The following CDH4 variants were observed in gnomAD, a reference collection of about 807,000 sequenced individuals.
CDH4 encodes cadherin 4.
A neutral mutation model predicts 86.0 loss-of-function variants in CDH4; 33 were observed. The ratio of observed to expected loss-of-function variants is 0.38; its 90% CI spans 0.29 to 0.51. The LOEUF (loss-of-function observed/expected upper bound fraction) is 0.51, where lower values mean the gene tolerates loss of function less well. Among genes scored for constraint, CDH4 ranks in the 20% least tolerant of loss-of-function variants. The pLI, the probability that CDH4 is intolerant of heterozygous loss-of-function variation, is 0.86. For synonymous variants in CDH4, 555 were observed against 549.4 expected, an observed-to-expected ratio of 1.01 and a Z score of -0.14; for missense variants, 1,114 against 1,307.4, an observed-to-expected ratio of 0.85 and a Z score of 2.28.
chr20:61,703,044 T>C lies in CDH4; in HGVS notation c.170-40519T>C, dbSNP rs1415880613. On this transcript the variant is annotated intron_variant, in intron 2 of 15. Coordinates refer to ENST00000614565, the MANE Select transcript of CDH4 (RefSeq NM_001794.5). This position sits in a 1 kb window ranked among gnomAD's most constrained non-coding sequence, Gnocchi z 4.3. ...ACTCTGCGTGCCGTGGTCAGTGCCA[T>C]GTTTTCGGGTAGAGCAATGAACATA... Among the ~76,000 whole-genome samples, 1 of 152,152 alleles carries C rather than the reference T, an allele frequency of 6.6e-6. No homozygotes were observed.
In CDH4 at chr20:61,901,766, G is replaced by C. The variant is rs568977784; in HGVS notation, c.1188+6719G>C. 2.0e-5 allele frequency among the ~76,000 whole-genome samples: 3 copies of C among 152,330 alleles called. No individual in the cohort carries two copies. In the South Asian group the frequency reaches 6.2e-4, roughly 32 times the overall value. The stretch of plus-strand genomic sequence containing the variant: ...AGCTCAGTGAAAGCATCAATCCCAC[G>C]CTGGCCCATGGGGTTGGGGTGACAA... On this transcript the variant is annotated intron_variant, in intron 8 of 15. Coordinates refer to ENST00000614565, the MANE Select transcript of CDH4 (RefSeq NM_001794.5).
chr20:61,921,105 ATGGAAGCGTGGTGTCACGGTGATTGTG>A lies in CDH4; in HGVS notation c.1375-2329_1375-2303del, dbSNP rs1218032024. Among the ~76,000 whole-genome samples the A allele has an allele frequency of 4.2e-5, 6 of 142,958 alleles. No individual in the cohort carries two copies. The East Asian group carries it at 6.5e-4, about 16-fold the overall frequency. 93.8% of individuals were successfully genotyped at this position (142,958 alleles called of 152,430 possible). Reference sequence around the variant, plus strand: ...GGAAGCATTGTGTCACAGTAATTGCATGGAAGCGTGGTGTCACGGTGATTGTGTGGAAGCGTGGTGTCATGATTGCAT... The same window carrying A: ...GGAAGCATTGTGTCACAGTAATTGCATGGAAGCGTGGTGTCATGATTGCAT... On this transcript the variant is annotated intron_variant, in intron 9 of 15. Coordinates refer to ENST00000614565, the MANE Select transcript of CDH4 (RefSeq NM_001794.5).
chr20:61,394,874 T>G (rs1385428324), intron 2 of CDH4, among the ~76,000 whole-genome samples: 1 of 137,354 alleles, frequency 7.3e-6, no homozygotes, highest in Non-Finnish European at 1.6e-5. Flanking sequence ...CATGGGGCTG[T>G]GAGCCCTCAC....
At chr20:61,890,072 G>C (rs1262721024) in intron 7 of CDH4, among the ~76,000 whole-genome samples, 16 of 146,458 alleles carry the variant, frequency 1.1e-4, no homozygotes, top group Non-Finnish European at 1.9e-4. Flanking sequence ...ATGGATGCAT[G>C]GGTGGATGGA....
chr20:61,790,978 C>T (rs774465380), intron 4 of CDH4, among the ~76,000 whole-genome samples: 4 of 152,268 alleles, frequency 2.6e-5, no homozygotes, highest in Non-Finnish European at 5.9e-5. Context: ...TCAGTGCTCT[C>T]ACCCTCAGAC....
intron 2 of CDH4, among the ~76,000 whole-genome samples, chr20:61,372,596 G>A (rs542722866): frequency 6.6e-6 from 1 of 152,242 alleles, no homozygotes; most frequent in African/African-American, 2.4e-5. Context: ...CCCCAAAGCT[G>A]TGGTGGACTT....
At position 61,778,412 on chromosome 20, in the gene CDH4, G is replaced by C. The variant is rs184233407; in HGVS notation, c.576+5230G>C. On this transcript the variant is annotated intron_variant, in intron 4 of 15. Transcript: ENST00000614565. Reference sequence around the variant, plus strand: ...GGCAGAATACTCTTCCCCAAAAAAAGTCTGTTAATTACAGGCTTTTTCCTT... The same window carrying C: ...GGCAGAATACTCTTCCCCAAAAAAACTCTGTTAATTACAGGCTTTTTCCTT... 3.3e-5 allele frequency among the ~76,000 whole-genome samples: 5 copies of C among 152,290 alleles called. No homozygotes were observed. The East Asian group carries it at 9.6e-4, about 29-fold the overall frequency.
chr20:61,513,391 C>T (rs1307858718), intron 2 of CDH4, among the ~76,000 whole-genome samples: 6 of 152,204 alleles, frequency 3.9e-5, no homozygotes. Flanking sequence ...ACAATGTTAA[C>T]AAAGGGCCTG....
At chr20:61,290,687 A>G (rs2084316074) in intron 2 of CDH4, among the ~76,000 whole-genome samples, 1 of 152,202 alleles carries the variant, frequency 6.6e-6, no homozygotes, top group East Asian at 1.9e-4. Context: ...GTGTAAGATG[A>G]AGACAGCCCC....
intron 2 of CDH4, among the ~76,000 whole-genome samples, chr20:61,711,081 T>C (rs1212693791): frequency 6.6e-6 from 1 of 152,194 alleles, no homozygotes; most frequent in East Asian, 1.9e-4. Context: ...GTGGAGGTAA[T>C]TGGATCATAG....
chr20:61,408,205 C>T (rs908483760), intron 2 of CDH4, among the ~76,000 whole-genome samples: 1 of 152,198 alleles, frequency 6.6e-6, no homozygotes. Flanking sequence ...AACCCAGGAT[C>T]ATCTCTGCAT....
intron 2 of CDH4, among the ~76,000 whole-genome samples, chr20:61,272,574 A>G (rs1049419915): frequency 1.1e-4 from 17 of 152,288 alleles, no homozygotes; most frequent in Admixed American, 7.8e-4. Context: ...GGCACCATCA[A>G]TGAATGCATT....
chr20:61,507,594 G>A (rs2085750297), intron 2 of CDH4, among the ~76,000 whole-genome samples: 1 of 152,038 alleles, frequency 6.6e-6, no homozygotes, highest in African/African-American at 2.4e-5. Context: ...GAAAAAAAAG[G>A]GTACCTCCTA....
chr20:61,435,386 T>C (rs770304851), intron 2 of CDH4, among the ~76,000 whole-genome samples: 2 of 152,238 alleles, frequency 1.3e-5, no homozygotes, highest in Non-Finnish European at 2.9e-5. Context: ...GGGCATGGCT[T>C]CTGAGACTCA....
At chr20:61,876,720 G>A (rs1984041993) in intron 7 of CDH4, among the ~76,000 whole-genome samples, 1 of 152,116 alleles carries the variant, frequency 6.6e-6, no homozygotes, top group African/African-American at 2.4e-5. Context: ...CCTCCCTCTG[G>A]TTTCCAGTGG....
At chr20:61,444,316 TGTATCTGCAC>T (rs1199487294) in intron 2 of CDH4, among the ~76,000 whole-genome samples, 28 of 140,894 alleles carry the variant, frequency 2.0e-4, no homozygotes, top group Admixed American at 3.1e-4. Flanking sequence ...TGTATTTTTG[TGTATCTGCAC>T]GTGTGTTTCT....
intron 2 of CDH4, among the ~76,000 whole-genome samples, chr20:61,507,123 TTTC>T (rs1201111233): frequency 3.3e-5 from 5 of 152,338 alleles, no homozygotes; most frequent in Admixed American, 6.5e-5. Flanking sequence ...CAGAATGTAG[TTTC>T]TTGAGTCAGA....
In CDH4 at chr20:61,639,548, T is replaced by G. The variant is rs547785336; in HGVS notation, c.170-104015T>G. ...CCACATAACCTCTTTAAGGACTTGATGAAAGCCTTGCCTAAGAGGTCATCT... is the reference window on the plus strand; with the variant it reads ...CCACATAACCTCTTTAAGGACTTGAGGAAAGCCTTGCCTAAGAGGTCATCT... On this transcript the variant is annotated intron_variant, in intron 2 of 15. Transcript: ENST00000614565. 2.0e-5 allele frequency among the ~76,000 whole-genome samples: 3 copies of G among 152,358 alleles called. No individual in the cohort carries two copies. In the East Asian group the frequency reaches 5.8e-4, roughly 29 times the overall value.
intron 2 of CDH4, among the ~76,000 whole-genome samples, chr20:61,361,649 C>T (rs973629602): frequency 2.0e-5 from 3 of 152,136 alleles, no homozygotes; most frequent in Admixed American, 6.5e-5. Flanking sequence ...AACAGACATC[C>T]GCTGAGCAGC....
Sources: gnomAD v4.1 joint callset for allele counts (sites outside exome capture counted in the v4.1 genomes callset) on GRCh38, gnomAD v4.1.1 for gene constraint, Gnocchi (gnomAD v3.1) non-coding constraint, MANE v1.5 for transcripts, NCBI Gene and HGNC (gene_info 2026-07-23, HGNC 2026-07-21) for gene names.